Variants in ZCCHC4 observed in about 807,000 individuals in gnomAD.
The protein encoded by ZCCHC4 is rRNA N(6)-adenosine-methyltransferase ZCCHC4.
Under a neutral mutation model 67.7 loss-of-function variants are expected in ZCCHC4, and 54 were observed. That is an observed-to-expected ratio of 0.80 (90% CI 0.64 to 1.00). The LOEUF is 1.00. Ranked by LOEUF, ZCCHC4 falls within the 50% of genes least tolerant of loss-of-function variation. The probability of loss-of-function intolerance (pLI) is 0.00; values close to 1 mark genes in which losing one functional copy is unlikely to be tolerated. For synonymous variants in ZCCHC4, 198 were observed against 213.5 expected (o/e 0.93, Z 0.63); for missense variants, 609 against 617.0 (o/e 0.99, Z 0.14).
intron 5 of ZCCHC4, among the ~76,000 whole-genome samples, chr4:25,336,464 A>T (rs73254148): frequency 0.43 from 65,347 of 152,078 alleles, 16,186 homozygotes; most frequent in Non-Finnish European, 0.56. Flanking sequence ...TTGGGTTCTT[A>T]TAATGTATTA....
At chr4:25,356,606 T>C (rs1720529683) in intron 8 of ZCCHC4, among the ~76,000 whole-genome samples, 1 of 151,816 alleles carries the variant, frequency 6.6e-6, no homozygotes, top group African/African-American at 2.4e-5. Context: ...GCATAGAATA[T>C]TCCATGTACT....
intron 3 of ZCCHC4, among the ~76,000 whole-genome samples, chr4:25,329,474 TG>T (rs920304280): frequency 1.3e-5 from 2 of 151,508 alleles, no homozygotes; most frequent in African/African-American, 2.4e-5. Flanking sequence ...TAAGGTGTTT[TG>T]TTTTTTTTTT....
intron 3 of ZCCHC4, among the ~76,000 whole-genome samples, chr4:25,326,327 G>T (rs1310331466): frequency 6.6e-6 from 1 of 152,184 alleles, no homozygotes; most frequent in Non-Finnish European, 1.5e-5. Flanking sequence ...ATTATGTTGA[G>T]TCTACCCAGA....
intron 8 of ZCCHC4, among the ~76,000 whole-genome samples, chr4:25,358,513 A>G (rs990485359): frequency 3.3e-5 from 5 of 152,238 alleles, no homozygotes; most frequent in African/African-American, 1.2e-4. Flanking sequence ...TTCCCTTAAT[A>G]CTAGACAATG....
chr4:25,323,318 CTCCTG>C (rs1718681226), intron 3 of ZCCHC4, among the ~76,000 whole-genome samples: 2 of 152,140 alleles, frequency 1.3e-5, no homozygotes, highest in Non-Finnish European at 2.9e-5. Context: ...CATCCTTCCC[CTCCTG>C]TCCTTTTTAA....
At chr4:25,326,588 T>C (rs916979500) in intron 3 of ZCCHC4, among the ~76,000 whole-genome samples, 1 of 152,236 alleles carries the variant, frequency 6.6e-6, no homozygotes, top group Non-Finnish European at 1.5e-5. Context: ...TTGTCTTGAT[T>C]ACTGTGACTT....
intron 3 of ZCCHC4, among the ~76,000 whole-genome samples, chr4:25,328,123 A>G (rs527683679): frequency 3.3e-5 from 5 of 152,134 alleles, no homozygotes; most frequent in Non-Finnish European, 7.4e-5. Context: ...TTCTCTCTTC[A>G]GTTTTTTGAA....
intron 7 of ZCCHC4, among the ~76,000 whole-genome samples, chr4:25,350,225 CGTGTACGGTCTTCA>C (rs1560412252): frequency 6.7e-6 from 1 of 149,174 alleles, no homozygotes; most frequent in African/African-American, 2.5e-5. Flanking sequence ...GTGACTTAGC[CGTGTACGGTCTTCA>C]GGCAGGTACT....
At chr4:25,324,014 G>GTTTTTTGTTTTTTTTTTTTTTTT (rs1553895907) in intron 3 of ZCCHC4, among the ~76,000 whole-genome samples, 4 of 82,428 alleles carry the variant, frequency 4.9e-5, no homozygotes, top group South Asian at 4.1e-4. Context: ...TGTTTTTTGT[G>GTTTTTTGTTTTTTTTTTTTTTTT]TTTTTTTTTT....
At position 25,314,028 on chromosome 4, in the gene ZCCHC4, T is replaced by C; in HGVS notation, c.128-18T>C. On this transcript the variant is annotated intron_variant, in intron 1 of 12. Transcript: ENST00000302874. ...CATTACTTGACACTTTTTTTTTTTT[T>C]TTCTATTCTGGAACTAGGACCCACT... 6.8e-7 allele frequency: 1 copy of C among 1,472,056 alleles called. No individual in the cohort carries two copies. Among genetic ancestry groups the C allele is most frequent in the South Asian group, 1.3e-5 (1 of 79,786 alleles). The allele number at this position is 1,472,056 out of a possible 1,614,324, so 91.2% of individuals were successfully genotyped here.
At chr4:25,364,938 G>A (rs1320231145) in intron 11 of ZCCHC4, 84 bp from the exon 12 acceptor site, 3 of 1,567,024 alleles carry the variant, frequency 1.9e-6, no homozygotes, top group Admixed American at 1.8e-5. Flanking sequence ...AGTAAACACT[G>A]TTCGTATATC....
intron 3 of ZCCHC4, among the ~76,000 whole-genome samples, chr4:25,329,098 G>A (rs530674019): frequency 6.6e-6 from 1 of 152,138 alleles, no homozygotes; most frequent in Admixed American, 6.5e-5. Flanking sequence ...GAGGTGGGAG[G>A]ACTGCTTGAG....
At chr4:25,312,963 A>C in intron 1 of ZCCHC4, 27 bp downstream of exon 1, 1 of 1,608,294 alleles carries the variant, frequency 6.2e-7, no homozygotes, top group Non-Finnish European at 8.5e-7. Flanking sequence ...GCTCAGCCTA[A>C]CTGCCGGGCG....
At chr4:25,364,094 TTAAGG>T in intron 10 of ZCCHC4, among the ~76,000 whole-genome samples, 1 of 152,276 alleles carries the variant, frequency 6.6e-6, no homozygotes, top group Non-Finnish European at 1.5e-5. Context: ...ATGAATTTCA[TTAAGG>T]ATTATGCAGT....
intron 8 of ZCCHC4, among the ~76,000 whole-genome samples, chr4:25,356,986 C>A (rs996105634): frequency 6.6e-6 from 1 of 152,200 alleles, no homozygotes; most frequent in Non-Finnish European, 1.5e-5. Flanking sequence ...CGTCATCCAG[C>A]TTCACTTGAA....
At chr4:25,354,063 C>T (rs182393739) in intron 8 of ZCCHC4, among the ~76,000 whole-genome samples, 1 of 152,242 alleles carries the variant, frequency 6.6e-6, no homozygotes, top group Admixed American at 6.5e-5. Context: ...TTGCACCAAC[C>T]TAATAATTCG....
At chr4:25,332,694 A>G (rs1719248662) in intron 3 of ZCCHC4, among the ~76,000 whole-genome samples, 2 of 152,256 alleles carry the variant, frequency 1.3e-5, no homozygotes, top group Admixed American at 6.5e-5. Flanking sequence ...ACTGCTAAGA[A>G]CAGAGGAGCT....
Position 25,318,796 on chromosome 4 carries a change from T to TGG in ZCCHC4, c.329+3396_329+3397insGG, listed in dbSNP as rs148356862. Among the ~76,000 whole-genome samples the TGG allele has an allele frequency of 1.1e-4, 16 of 150,576 alleles. No homozygotes were observed. In the South Asian group the frequency reaches 1.3e-3, roughly 12 times the overall value. Reference sequence around the variant, plus strand: ...AAGAATTTCCAAAAGGTTATTTTTTTTGGGGGGCCATAATTTCATCTTTTA... The same window carrying TGG: ...AAGAATTTCCAAAAGGTTATTTTTTTGGTGGGGGGCCATAATTTCATCTTTTA... On this transcript the variant is annotated intron_variant, in intron 3 of 12. Transcript: ENST00000302874.
intron 5 of ZCCHC4, among the ~76,000 whole-genome samples, chr4:25,341,331 T>C (rs1719748574): frequency 6.6e-6 from 1 of 152,318 alleles, no homozygotes; most frequent in East Asian, 1.9e-4. Context: ...GGTGTTTGAA[T>C]CATGGGGTTG....
Sources: allele counts gnomAD v4.1 joint callset (sites outside exome capture counted in the v4.1 genomes callset), GRCh38; gene constraint gnomAD v4.1.1; transcripts MANE v1.5; gene names NCBI Gene and HGNC (gene_info 2026-07-23, HGNC 2026-07-21).